The following ATP2B4 variants were observed in gnomAD, a reference collection of about 807,000 sequenced individuals.
ATP2B4 encodes the protein plasma membrane calcium-transporting ATPase 4.
In ATP2B4, 39 loss-of-function variants were observed where a neutral mutation model predicts 110.3. The ratio of observed to expected loss-of-function variants is 0.35; its 90% CI spans 0.27 to 0.46. The LOEUF is 0.46. ATP2B4 is among the 20% of genes least tolerant of loss of function. ATP2B4 has a pLI of 1.00. For synonymous variants in ATP2B4, 538 were observed against 571.7 expected (o/e 0.94, Z 0.84); for missense variants, 1,135 against 1,530.9 (o/e 0.74, Z 4.32).
At chr1:203,661,127 T>C (rs1664326762) in intron 1 of ATP2B4, among the ~76,000 whole-genome samples, 1 of 151,726 alleles carries the variant, frequency 6.6e-6, no homozygotes, top group Non-Finnish European at 1.5e-5. Context: ...AAAAAAACTT[T>C]CCCAAGGTCA....
chr1:203,656,750 T>G (rs1664175446), intron 1 of ATP2B4, among the ~76,000 whole-genome samples: 1 of 152,212 alleles, frequency 6.6e-6, no homozygotes, highest in Admixed American at 6.5e-5. Flanking sequence ...AGTAGGATAT[T>G]TGTATATTTG....
chr1:203,700,653 C>G, intron 5 of ATP2B4, 145 bp from the exon 6 acceptor site: 1 of 1,196,020 alleles, frequency 8.4e-7, no homozygotes, highest in South Asian at 1.5e-5. Flanking sequence ...ATGCGCCCAG[C>G]TCTTGACCTT....
chr1:203,728,750 G>A (rs1010218416), intron 20 of ATP2B4, among the ~76,000 whole-genome samples: 5 of 152,094 alleles, frequency 3.3e-5, no homozygotes, highest in South Asian at 4.1e-4. Flanking sequence ...CCAGCTACTC[G>A]GGAGGCTGAG....
rs753002291 is a variant in ATP2B4, at chr1:203,709,404, G to T, written c.1661G>T (p.Arg554Leu). 1 of 1,614,118 alleles carries T rather than the reference G, an allele frequency of 6.2e-7. No individual in the cohort carries two copies. Among genetic ancestry groups the T allele is most frequent in the Non-Finnish European group, 8.5e-7 (1 of 1,180,038 alleles). ...TDLKQDYQAV[R>L]NEVPEEKLYK... is the part of the protein sequence containing the mutation. ...CTGAAGCAGGATTATCAGGCTGTGC[G>T]TAATGAAGTGCCCGAGGAGAAGCTC... Residue 554 changes from arginine to leucine, a missense_variant, in exon 11 of 21, where the codon CGT (arginine) becomes CTT (leucine). This residue lies in a region of ATP2B4 where 368 missense variants were observed against 455.9 expected (regional missense o/e 0.81). Transcript: ENST00000357681.
chr1:203,660,936 C>T (rs1664321059), intron 1 of ATP2B4, among the ~76,000 whole-genome samples: 1 of 151,662 alleles, frequency 6.6e-6, no homozygotes, highest in Non-Finnish European at 1.5e-5. Context: ...ATGGTGAAAC[C>T]CTGTCTCTAC....
chr1:203,676,541 C>G lies in ATP2B4; in HGVS notation c.-464-6201C>G, dbSNP rs1278533056. Among the ~76,000 whole-genome samples the G allele has an allele frequency of 2.0e-5, 3 of 152,286 alleles. No individual in the cohort carries two copies. In the East Asian group the frequency reaches 5.8e-4, roughly 29 times the overall value. The stretch of plus-strand genomic sequence containing the variant: ...CCAGCTTTCTTGATAGGGCACTGTC[C>G]TTTGGAAGCGTAAGAGTGCCAGAGA... On this transcript the variant is annotated intron_variant, in intron 1 of 20. Coordinates refer to ENST00000357681, the MANE Select transcript of ATP2B4 (RefSeq NM_001684.5).
chr1:203,653,770 T>G (rs1450327968), intron 1 of ATP2B4, among the ~76,000 whole-genome samples: 2 of 151,966 alleles, frequency 1.3e-5, no homozygotes, highest in African/African-American at 4.8e-5. Context: ...TTGGCCAGGT[T>G]GGTCTCAAAC....
chr1:203,725,697 C>G (rs1013668456), intron 19 of ATP2B4, among the ~76,000 whole-genome samples: 5 of 152,072 alleles, frequency 3.3e-5, no homozygotes, highest in African/African-American at 1.2e-4. Context: ...ATCCTCAGCT[C>G]TGGCCTGGGC....
chr1:203,739,537 C>T lies in ATP2B4; in HGVS notation c.3310-9C>T. 1 of 1,610,754 alleles carries T rather than the reference C, an allele frequency of 6.2e-7. No homozygotes were observed. Among genetic ancestry groups the T allele is most frequent in the Non-Finnish European group, 8.5e-7 (1 of 1,177,824 alleles). On this transcript the variant is annotated splice_polypyrimidine_tract_variant and intron_variant, in intron 20 of 20. Transcript: ENST00000357681. Reference sequence around the variant, plus strand: ...TTTTCTCATCCTCCTTTTCCTTCCCCTGGTATAGATCAAAGTGGTCAAAGC... The same window carrying T: ...TTTTCTCATCCTCCTTTTCCTTCCCTTGGTATAGATCAAAGTGGTCAAAGC...
chr1:203,720,582 T>G lies in ATP2B4; in HGVS notation c.2440T>G (p.Ser814Ala), dbSNP rs774091554. 6.2e-7 allele frequency: 1 copy of G among 1,612,876 alleles called. No homozygotes were observed. The highest frequency in any genetic ancestry group is 8.5e-7 in the Non-Finnish European group (1 of 1,179,204). The change falls in exon 16 of 21, where the codon TCA becomes GCA. Residue 814 changes from serine (S) to alanine (A), a missense_variant. This residue lies in a region of ATP2B4 where 70 missense variants were observed against 142.4 expected (regional missense o/e 0.49). Coordinates refer to ENST00000357681, the MANE Select transcript of ATP2B4 (RefSeq NM_001684.5). Reference sequence around the variant, plus strand: ...AGGCACAGATGTAGCAAAGGAGGCTTCAGACATCATCCTAACAGATGACAA... The same window carrying G: ...AGGCACAGATGTAGCAAAGGAGGCTGCAGACATCATCCTAACAGATGACAA... ...IAGTDVAKEA[S>A]DIILTDDNFT...
chr1:203,674,152 G>A (rs977090608), intron 1 of ATP2B4, among the ~76,000 whole-genome samples: 4 of 152,162 alleles, frequency 2.6e-5, no homozygotes, highest in Admixed American at 1.3e-4. Context: ...AGCAGTTATC[G>A]TTGCTAACCC....
intron 14 of ATP2B4, 53 bp downstream of exon 14, chr1:203,713,305 G>A (rs553735747): frequency 7.5e-5 from 121 of 1,603,734 alleles, no homozygotes; most frequent in East Asian, 4.7e-4. Context: ...AGGCCAGGGC[G>A]AGGACAGATA....
chr1:203,654,654 C>T (rs980924310), intron 1 of ATP2B4, among the ~76,000 whole-genome samples: 2 of 152,092 alleles, frequency 1.3e-5, no homozygotes, highest in African/African-American at 4.8e-5. Flanking sequence ...TTTTGGGAGG[C>T]TGAGGCATGA....
In ATP2B4 at chr1:203,702,046, A is replaced by G. The variant is rs769284351; in HGVS notation, c.904A>G (p.Lys302Glu). 10 of 1,614,058 alleles carry G rather than the reference A, an allele frequency of 6.2e-6. 1 individual carries two copies. The South Asian group carries it at 7.7e-5, about 12-fold the overall frequency. The change falls in exon 7 of 21, where the codon AAA becomes GAA. Residue 302 changes from lysine to glutamate, a missense_variant and splice_region_variant. By Grantham distance (56) the Lys-to-Glu change is moderately conservative. Around this residue, in one of 9 missense-constraint regions of ATP2B4, gnomAD observed 162 missense variants for 210.5 expected, o/e 0.77. Coordinates refer to ENST00000357681, the MANE Select transcript of ATP2B4 (RefSeq NM_001684.5). ...TTTTTTCTTTCTTGTTCAAACAGGT[A>G]AAAAACAAGGAGTCCCTGAAAATCG... is the stretch of plus-strand genomic sequence containing the variant. ...DDEGEKKKKG[K>E]KQGVPENRNK...
intron 10 of ATP2B4, among the ~76,000 whole-genome samples, chr1:203,708,730 C>T (rs550508206): frequency 6.6e-6 from 1 of 152,284 alleles, no homozygotes; most frequent in Admixed American, 6.5e-5. Context: ...GGTTGCGCAC[C>T]TGTAGTCCCA....
chr1:203,660,795 C>T (rs898384642), intron 1 of ATP2B4, among the ~76,000 whole-genome samples: 5 of 146,124 alleles, frequency 3.4e-5, no homozygotes, highest in African/African-American at 1.0e-4. Context: ...GACTCTGTCT[C>T]AAAAAAATAA....
chr1:203,700,180 G>C, intron 4 of ATP2B4, 26 bp from the exon 5 acceptor site: 1 of 1,605,458 alleles, frequency 6.2e-7, no homozygotes, highest in South Asian at 1.1e-5. Context: ...CTCCTTCACT[G>C]TCCCTCCTTC....
intron 1 of ATP2B4, among the ~76,000 whole-genome samples, chr1:203,640,481 C>A (rs1297634995): frequency 2.6e-5 from 4 of 151,930 alleles, no homozygotes; most frequent in African/African-American, 9.7e-5. Flanking sequence ...CCATGCCCAG[C>A]TAATTTTTTT....
At position 203,722,663 on chromosome 1, in the gene ATP2B4, G is replaced by A. The variant is rs1157788773; in HGVS notation, c.2998G>A (p.Val1000Ile). The change falls in exon 18 of 21, where the codon GTA becomes ATA. Residue 1000 changes from valine (V) to isoleucine (I), a missense_variant. This residue lies in a region of ATP2B4 where 155 missense variants were observed against 186.2 expected (regional missense o/e 0.83). Transcript: ENST00000357681. ...GIYRNIIFCS[V>I]VLGTFICQIF... ...CTACCGCAACATTATCTTCTGCTCT[G>A]TAGTCTTGGGCACATTCATCTGCCA... The A allele has an allele frequency of 4.3e-6, 7 of 1,614,196 alleles. No homozygotes were observed. Among genetic ancestry groups the A allele is most frequent in the Non-Finnish European group, 5.9e-6 (7 of 1,180,032 alleles).
Sources: allele counts gnomAD v4.1 joint callset (sites outside exome capture counted in the v4.1 genomes callset), GRCh38; gene constraint gnomAD v4.1.1; regional missense constraint gnomAD v4.1.1; transcripts MANE v1.5; gene names NCBI Gene and HGNC (gene_info 2026-07-23, HGNC 2026-07-21).